The following NSUN6 variants were observed in gnomAD, a reference collection of about 807,000 sequenced individuals.
NSUN6 encodes NOP2/Sun RNA methyltransferase 6.
Under a neutral mutation model 58.0 loss-of-function variants are expected in NSUN6, and 64 were observed. That is an observed-to-expected ratio of 1.10 (90% confidence interval 0.90 to 1.36). The LOEUF (loss-of-function observed/expected upper bound fraction) is 1.36, where lower values mean the gene tolerates loss of function less well. Among genes scored for constraint, NSUN6 ranks in the 40% most tolerant of loss-of-function variants. The probability of loss-of-function intolerance (pLI) is 0.00; values close to 1 mark genes in which losing one functional copy is unlikely to be tolerated. For synonymous variants in NSUN6, 231 were observed against 193.9 expected, an observed-to-expected ratio of 1.19 and a Z score of -1.59; for missense variants, 701 against 550.1, an observed-to-expected ratio of 1.27 and a Z score of -2.74.
At chr10:18,574,115 C>A (rs531775180) in intron 8 of NSUN6, among the ~76,000 whole-genome samples, 2 of 152,190 alleles carry the variant, frequency 1.3e-5, no homozygotes, top group East Asian at 3.9e-4. Flanking sequence ...GACTCAAGAA[C>A]ACGGAGGCTG....
intron 3 of NSUN6, among the ~76,000 whole-genome samples, chr10:18,627,579 C>T (rs1336949628): frequency 6.6e-6 from 1 of 152,142 alleles, no homozygotes; most frequent in South Asian, 2.1e-4. Context: ...CAAAGCAGGG[C>T]GAGGCATTGC....
rs146037819 is a variant in NSUN6, at chr10:18,648,506, A to G, written c.215T>C (p.Leu72Pro). ...ASVQHVKNLL[L>P]DELQKQFNGL... Reference sequence around the variant, plus strand: ...TCCACAAACCTTCTGAAGTTCATCAAGTAACAGATTTTTCACATGTTGTAC... The same window carrying G: ...TCCACAAACCTTCTGAAGTTCATCAGGTAACAGATTTTTCACATGTTGTAC... The change falls in exon 2 of 11, where the codon CTT (leucine) becomes CCT (proline). Residue 72 changes from leucine to proline, a missense_variant. Coordinates refer to ENST00000377304, the MANE Select transcript of NSUN6 (RefSeq NM_182543.5). 9 of 1,600,386 alleles carry G rather than the reference A, an allele frequency of 5.6e-6. No individual in the cohort carries two copies. Among genetic ancestry groups the G allele is most frequent in the Non-Finnish European group, 6.8e-6 (8 of 1,170,970 alleles).
chr10:18,609,805 T>G (rs2058168413), intron 6 of NSUN6, 40 bp downstream of exon 6: 1 of 1,079,624 alleles, frequency 9.3e-7, no homozygotes, highest in African/African-American at 1.6e-5. Context: ...CTGATGTATG[T>G]TTCAATGTCA....
intron 6 of NSUN6, among the ~76,000 whole-genome samples, chr10:18,601,185 C>T (rs1032311672): frequency 4.0e-5 from 6 of 151,466 alleles, no homozygotes; most frequent in Non-Finnish European, 7.4e-5. Context: ...AAGTGCCTAG[C>T]ACAAAGCCAA....
chr10:18,581,228 G>C (rs1227841901), intron 8 of NSUN6, among the ~76,000 whole-genome samples: 1 of 152,070 alleles, frequency 6.6e-6, no homozygotes, highest in Non-Finnish European at 1.5e-5. Context: ...AGACCTACTG[G>C]GCTGCATTCC....
At chr10:18,568,271 C>T (rs944352656) in intron 8 of NSUN6, among the ~76,000 whole-genome samples, 8 of 151,520 alleles carry the variant, frequency 5.3e-5, no homozygotes, top group Non-Finnish European at 3.0e-5. Context: ...TACCATTCTC[C>T]ATTCCATTCC....
chr10:18,599,435 T>C (rs944587084), intron 6 of NSUN6, among the ~76,000 whole-genome samples: 1 of 152,150 alleles, frequency 6.6e-6, no homozygotes, highest in African/African-American at 2.4e-5. Context: ...TTTATAATAT[T>C]CCTTTACACT....
intron 6 of NSUN6, among the ~76,000 whole-genome samples, chr10:18,602,609 A>T (rs1564787315): frequency 6.6e-6 from 1 of 152,042 alleles, no homozygotes; most frequent in Non-Finnish European, 1.5e-5. Context: ...ACCTCAAGTG[A>T]TCCACCTGCC....
chr10:18,555,698 T>C (rs1056503374), intron 8 of NSUN6, among the ~76,000 whole-genome samples: 2 of 137,864 alleles, frequency 1.5e-5, no homozygotes, highest in African/African-American at 5.5e-5. Flanking sequence ...GAATGGACAG[T>C]GGAATGGAAT....
At chr10:18,557,451 GGAGAATGGAATGGAATA>G (rs1320140272) in intron 8 of NSUN6, among the ~76,000 whole-genome samples, 9 of 150,412 alleles carry the variant, frequency 6.0e-5, no homozygotes, top group South Asian at 2.1e-4. Context: ...GAAATGGAAT[GGAGAATGGAATGGAATA>G]GAGAATGGAA....
chr10:18,554,499 G>T (rs1479352535), intron 8 of NSUN6, among the ~76,000 whole-genome samples: 1 of 151,360 alleles, frequency 6.6e-6, no homozygotes, highest in Non-Finnish European at 1.5e-5. Context: ...AAGGGAGAAT[G>T]GAATGGAATC....
At chr10:18,654,284 A>C (rs2131621422), upstream of NSUN6, among the ~76,000 whole-genome samples, 1 of 152,180 alleles carries the variant, frequency 6.6e-6, no homozygotes, top group Admixed American at 6.5e-5. Context: ...ATTTCTATCT[A>C]GTCCTCCCTT....
intron 6 of NSUN6, among the ~76,000 whole-genome samples, chr10:18,604,400 C>T (rs967227044): frequency 1.3e-5 from 2 of 152,144 alleles, no homozygotes; most frequent in East Asian, 1.9e-4. Context: ...GGATGCTCTT[C>T]AATTTTAGAG....
At chr10:18,561,917 A>AGAATGGAAT (rs1185111995) in intron 8 of NSUN6, among the ~76,000 whole-genome samples, 3 of 150,802 alleles carry the variant, frequency 2.0e-5, no homozygotes, top group Non-Finnish European at 4.4e-5. Context: ...AAAGAAATGG[A>AGAATGGAAT]GAATGGAATG....
At chr10:18,581,774 C>T (rs1227977254) in intron 8 of NSUN6, among the ~76,000 whole-genome samples, 1 of 150,696 alleles carries the variant, frequency 6.6e-6, no homozygotes, top group African/African-American at 2.4e-5. Context: ...TGAAGTGAGC[C>T]GAGATCGTGC....
chr10:18,559,122 AC>A (rs1375528920), intron 8 of NSUN6, among the ~76,000 whole-genome samples: 1 of 150,262 alleles, frequency 6.7e-6, no homozygotes, highest in East Asian at 2.0e-4. Flanking sequence ...ATTGAATGGA[AC>A]GAAGAGTGGA....
chr10:18,549,145 AC>A (rs2054458974), intron 9 of NSUN6, among the ~76,000 whole-genome samples: 1 of 152,160 alleles, frequency 6.6e-6, no homozygotes, highest in Admixed American at 6.6e-5. Context: ...ATGATCACTT[AC>A]AGTCAAAGTC....
At chr10:18,546,547 T>C (rs1226653600) in intron 10 of NSUN6, among the ~76,000 whole-genome samples, 1 of 152,134 alleles carries the variant, frequency 6.6e-6, no homozygotes, top group Non-Finnish European at 1.5e-5. Flanking sequence ...ACACCTGGCA[T>C]ATAGCAGGGA....
chr10:18,633,195 G>T (rs1354445362), intron 3 of NSUN6, among the ~76,000 whole-genome samples: 3 of 148,974 alleles, frequency 2.0e-5, no homozygotes, highest in Non-Finnish European at 4.4e-5. Flanking sequence ...TCATAGGTGG[G>T]AATTGAACAA....
Sources: allele counts gnomAD v4.1 joint callset (sites outside exome capture counted in the v4.1 genomes callset), GRCh38; gene constraint gnomAD v4.1.1; transcripts MANE v1.5; gene names NCBI Gene and HGNC (gene_info 2026-07-23, HGNC 2026-07-21).